Variants in ARFGEF1 observed in about 807,000 individuals in gnomAD.
ARFGEF1 encodes brefeldin A-inhibited guanine nucleotide-exchange protein 1.
A neutral mutation model predicts 231.0 loss-of-function variants in ARFGEF1; 42 were observed. That is an observed-to-expected ratio of 0.18 (90% CI 0.14 to 0.24). The LOEUF is 0.24. Ranked by LOEUF, ARFGEF1 falls within the 10% of genes least tolerant of loss-of-function variation. ARFGEF1 has a pLI of 1.00. For synonymous variants in ARFGEF1, 710 were observed against 732.3 expected, an observed-to-expected ratio of 0.97 and a Z score of 0.49; for missense variants, 1,345 against 2,192.0, an observed-to-expected ratio of 0.61 and a Z score of 7.72.
chr8:67,320,550 T>A (rs1807538207), intron 1 of ARFGEF1, among the ~76,000 whole-genome samples: 1 of 152,200 alleles, frequency 6.6e-6, no homozygotes, highest in African/African-American at 2.4e-5. Context: ...TGTAAAAATC[T>A]GTACATGAAT....
chr8:67,321,528 T>C (rs2128927931), intron 1 of ARFGEF1, among the ~76,000 whole-genome samples: 1 of 152,322 alleles, frequency 6.6e-6, no homozygotes, highest in East Asian at 1.9e-4. Context: ...TGGTGCAATC[T>C]CGGCTCACTG....
intron 1 of ARFGEF1, among the ~76,000 whole-genome samples, chr8:67,305,254 T>G (rs1036827479): frequency 6.6e-6 from 1 of 152,158 alleles, no homozygotes; most frequent in African/African-American, 2.4e-5. Flanking sequence ...TAAGTTTTTG[T>G]GCAGCCCACG....
intron 34 of ARFGEF1, among the ~76,000 whole-genome samples, chr8:67,210,296 G>A (rs1838686210): frequency 6.6e-6 from 1 of 151,452 alleles, no homozygotes; most frequent in Admixed American, 6.6e-5. Flanking sequence ...TGGGCAACAT[G>A]GCAAAACCCT....
At chr8:67,315,059 T>C (rs1439342422) in intron 1 of ARFGEF1, among the ~76,000 whole-genome samples, 2 of 152,038 alleles carry the variant, frequency 1.3e-5, no homozygotes, top group African/African-American at 4.8e-5. Context: ...ACCTATATGA[T>C]ATAGTAGGAT....
chr8:67,273,898 T>G (rs1479722828), intron 9 of ARFGEF1, among the ~76,000 whole-genome samples: 1 of 152,148 alleles, frequency 6.6e-6, no homozygotes, highest in African/African-American at 2.4e-5. Context: ...TATCACCTAT[T>G]ATGCTCAATT....
intron 34 of ARFGEF1, 129 bp from the exon 35 acceptor site, chr8:67,204,948 T>G: frequency 8.9e-7 from 1 of 1,128,202 alleles, no homozygotes; most frequent in Non-Finnish European, 1.3e-6. Flanking sequence ...AAGGACATAC[T>G]GCTTTTGCAC....
intron 19 of ARFGEF1, among the ~76,000 whole-genome samples, chr8:67,243,392 A>G (rs1314164770): frequency 6.6e-6 from 1 of 152,190 alleles, no homozygotes; most frequent in African/African-American, 2.4e-5. Context: ...GTCTTACAAC[A>G]CAGCAGCAGG....
At chr8:67,238,559 A>C in intron 21 of ARFGEF1, 66 bp from the exon 22 acceptor site, 1 of 1,497,702 alleles carries the variant, frequency 6.7e-7, no homozygotes, top group South Asian at 1.3e-5. Context: ...AGATTTAAAT[A>C]TATGCAGCCA....
intron 1 of ARFGEF1, among the ~76,000 whole-genome samples, chr8:67,310,329 C>G (rs1206085960): frequency 1.3e-5 from 2 of 152,230 alleles, no homozygotes; most frequent in Non-Finnish European, 2.9e-5. Context: ...CAGCCCTTAA[C>G]CGCGAGTGAT....
intron 1 of ARFGEF1, among the ~76,000 whole-genome samples, chr8:67,338,928 AAT>A (rs1291261909): frequency 1.3e-5 from 2 of 152,222 alleles, no homozygotes; most frequent in South Asian, 2.1e-4. Context: ...GATGAAAATT[AAT>A]AGTTACCAAA....
intron 1 of ARFGEF1, among the ~76,000 whole-genome samples, chr8:67,311,833 G>A (rs1346033120): frequency 2.0e-5 from 3 of 152,182 alleles, no homozygotes; most frequent in Non-Finnish European, 2.9e-5. Context: ...AAATCGGATG[G>A]TTGCCGTGTC....
At chr8:67,320,807 C>A (rs1394700257) in intron 1 of ARFGEF1, among the ~76,000 whole-genome samples, 2 of 151,308 alleles carry the variant, frequency 1.3e-5, no homozygotes, top group East Asian at 3.9e-4. Flanking sequence ...ACTAAAAATA[C>A]AAAAATTAGC....
At chr8:67,193,562 G>T (rs1413665343), downstream of ARFGEF1, 2 of 1,613,704 alleles carry the variant, frequency 1.2e-6, no homozygotes, top group African/African-American at 2.7e-5. Context: ...AGGAACGAAT[G>T]CGAAGACTGA....
chr8:67,330,742 A>C (rs1007813422), intron 1 of ARFGEF1, among the ~76,000 whole-genome samples: 2 of 152,172 alleles, frequency 1.3e-5, no homozygotes, highest in Non-Finnish European at 2.9e-5. Flanking sequence ...CTTATTTCTA[A>C]AGATCAAAGC....
At chr8:67,339,694 T>C (rs1808512964) in intron 1 of ARFGEF1, among the ~76,000 whole-genome samples, 1 of 147,190 alleles carries the variant, frequency 6.8e-6, no homozygotes. Flanking sequence ...TCCCTCTCTC[T>C]GCAGAGAGCT....
At chr8:67,290,685 C>T (rs1245689701) in intron 6 of ARFGEF1, among the ~76,000 whole-genome samples, 1 of 152,072 alleles carries the variant, frequency 6.6e-6, no homozygotes, top group Admixed American at 6.6e-5. Context: ...AAAGTCCCAG[C>T]TTTATTAGAG....
chr8:67,181,301 T>C (rs1221354369), intron 5 of ARFGEF1, among the ~76,000 whole-genome samples: 1 of 151,322 alleles, frequency 6.6e-6, no homozygotes, highest in Non-Finnish European at 1.5e-5. Flanking sequence ...GCCTCCCAAA[T>C]TGCTGGGATT....
chr8:67,299,079 C>T (rs1187371956), intron 4 of ARFGEF1, 130 bp downstream of exon 4: 28 of 911,424 alleles, frequency 3.1e-5, no homozygotes, highest in South Asian at 3.0e-4. Flanking sequence ...CCACTGAGCC[C>T]GGCCTCGAAT....
rs1804752501 is a variant in ARFGEF1, at chr8:67,264,131, G to A, written c.2123+1875C>T. ...CTTTGGTTTTATTCTCTAAGAGAGGGAAAAAATAGACTTTCATTCAAGAAA... is the reference window on the plus strand; with the variant it reads ...CTTTGGTTTTATTCTCTAAGAGAGGAAAAAAATAGACTTTCATTCAAGAAA... On this transcript the variant is annotated intron_variant, in intron 14 of 38. Coordinates refer to ENST00000262215, the MANE Select transcript of ARFGEF1 (RefSeq NM_006421.5). Among the ~76,000 whole-genome samples the A allele has an allele frequency of 2.0e-5, 3 of 152,100 alleles. No individual in the cohort carries two copies. The South Asian group carries it at 6.2e-4, about 32-fold the overall frequency.
Sources: allele counts gnomAD v4.1 joint callset (sites outside exome capture counted in the v4.1 genomes callset), GRCh38; gene constraint gnomAD v4.1.1; transcripts MANE v1.5; gene names NCBI Gene and HGNC (gene_info 2026-07-23, HGNC 2026-07-21).